Variants in USP6NL observed in about 807,000 individuals in gnomAD.
USP6NL encodes USP6 N-terminal like, also known as USP6 N-terminal-like protein.
USP6NL carries 26 observed loss-of-function variants against 61.9 expected under a neutral mutation model. That is an observed-to-expected ratio of 0.42 (90% CI 0.31 to 0.58). The LOEUF (loss-of-function observed/expected upper bound fraction) is 0.58. Ranked by LOEUF, USP6NL falls within the 20% of genes least tolerant of loss-of-function variation. USP6NL has a pLI of 0.16. For synonymous variants in USP6NL, 432 were observed against 390.1 expected, an observed-to-expected ratio of 1.11 and a Z score of -1.27; for missense variants, 1,114 against 1,034.3, an observed-to-expected ratio of 1.08 and a Z score of -1.06.
rs926828931 is a variant in USP6NL at position 11,496,210 on chromosome 10, G to A, written c.385-2982C>T. Among the ~76,000 whole-genome samples the A allele has an allele frequency of 3.3e-5, 5 of 152,192 alleles. No individual in the cohort carries two copies. Among genetic ancestry groups the A allele is most frequent in the Non-Finnish European group, 5.9e-5 (4 of 68,040 alleles). On this transcript the variant is annotated intron_variant, in intron 7 of 14. Transcript: ENST00000609104. This position sits in a 1 kb window ranked among gnomAD's most constrained non-coding sequence, Gnocchi z 5.4. ...GCCAAATAACAAACCTCCAGTCTTG[G>A]GCTAGCACTGAGGGAGCTAAGGAGC... is the stretch of plus-strand genomic sequence containing the variant.
intron 6 of USP6NL, among the ~76,000 whole-genome samples, chr10:11,508,377 A>C (rs1834548452): frequency 6.6e-6 from 1 of 152,240 alleles, no homozygotes; most frequent in African/African-American, 2.4e-5. Context: ...AGTGGTTCTC[A>C]AAATATGGCC....
At chr10:11,531,744 A>G (rs1405715772) in intron 2 of USP6NL, among the ~76,000 whole-genome samples, 1 of 152,168 alleles carries the variant, frequency 6.6e-6, no homozygotes, top group Non-Finnish European at 1.5e-5. Flanking sequence ...ATCTAATGTA[A>G]CAAAGTTTCA....
intron 5 of USP6NL, among the ~76,000 whole-genome samples, chr10:11,512,040 C>T (rs1217796067): frequency 6.6e-6 from 1 of 152,120 alleles, no homozygotes; most frequent in Non-Finnish European, 1.5e-5. Flanking sequence ...GCTAACTATT[C>T]CAGCAACTGT....
chr10:11,584,742 G>A (rs1407604135), intron 2 of USP6NL, among the ~76,000 whole-genome samples: 1 of 152,108 alleles, frequency 6.6e-6, no homozygotes, highest in African/African-American at 2.4e-5. Context: ...TTCAAAACCA[G>A]CCTGGTCAAC....
intron 1 of USP6NL, among the ~76,000 whole-genome samples, chr10:11,610,232 C>G (rs1838845163): frequency 6.6e-6 from 1 of 152,150 alleles, no homozygotes; most frequent in African/African-American, 2.4e-5. Context: ...ATGGCATCAA[C>G]ATCCATTTTA....
intron 6 of USP6NL, among the ~76,000 whole-genome samples, chr10:11,503,917 G>A (rs17150471): frequency 0.11 from 16,276 of 152,002 alleles, 1,361 homozygotes; most frequent in East Asian, 0.42. Context: ...CAATGACCAC[G>A]GCCCATGGTT....
At chr10:11,610,663 C>T (rs12255171) in intron 1 of USP6NL, among the ~76,000 whole-genome samples, 1,715 of 150,526 alleles carry the variant, frequency 0.011, 37 homozygotes, top group African/African-American at 0.039. Context: ...TTTCCAATCA[C>T]TGGGTACGGC....
Position 11,490,996 on chromosome 10 carries a change from C to A in USP6NL, c.495-116G>T. On this transcript the variant is annotated intron_variant, in intron 8 of 14. Transcript: ENST00000609104. The surrounding 1 kb of genome is among the most constrained non-coding windows in gnomAD (Gnocchi z 4.5). Reference sequence around the variant, plus strand: ...AAAACAGATAATCCAGATAAAATTACTAATGTAATAAATTATCCCAAGTTC... The same window carrying A: ...AAAACAGATAATCCAGATAAAATTAATAATGTAATAAATTATCCCAAGTTC... 1.1e-6 allele frequency: 1 copy of A among 872,864 alleles called. No individual in the cohort carries two copies. The highest frequency in any genetic ancestry group is 1.7e-6 in the Non-Finnish European group (1 of 593,908). 54.1% of individuals were successfully genotyped at this position (872,864 alleles called of 1,614,324 possible). A position where few individuals can be genotyped will look rare whatever the true frequency, so the allele number is the denominator to read the frequency against.
chr10:11,526,002 C>T (rs939153665), intron 3 of USP6NL, among the ~76,000 whole-genome samples: 2 of 151,468 alleles, frequency 1.3e-5, no homozygotes, highest in Non-Finnish European at 2.9e-5. Flanking sequence ...GCTCTTCAGG[C>T]CTCATCTAAC....
chr10:11,592,884 T>C lies in USP6NL; in HGVS notation c.4+4747A>G, dbSNP rs983583413. 1.3e-5 allele frequency among the ~76,000 whole-genome samples: 2 copies of C among 152,204 alleles called. No individual in the cohort carries two copies. The highest frequency in any genetic ancestry group is 1.3e-4 in the Admixed American group (2 of 15,292). On this transcript the variant is annotated intron_variant, in intron 2 of 14. Transcript: ENST00000609104. The surrounding 1 kb of genome is among the most constrained non-coding windows in gnomAD (Gnocchi z 4.7). ...CTGCTCTAACAAATATTAAAACAAA[T>C]TGTTCTTCACTTCAGCATGAACACT...
intron 2 of USP6NL, among the ~76,000 whole-genome samples, chr10:11,546,465 G>C (rs564007963): frequency 9.2e-5 from 14 of 152,036 alleles, no homozygotes; most frequent in Admixed American, 2.6e-4. Flanking sequence ...GAAGTGGCAC[G>C]ATCTAGGTTC....
In USP6NL at chr10:11,540,897, A is replaced by G. The variant is rs1233911264; in HGVS notation, c.5-13330T>C. 3.3e-5 allele frequency among the ~76,000 whole-genome samples: 5 copies of G among 152,154 alleles called. No individual in the cohort carries two copies. The South Asian group carries it at 8.3e-4, about 25-fold the overall frequency. ...TGAATGGCCCTTGGGTTCAAATTTG[A>G]CCATAAGGCCATCAAAAGCCAGCAA... On this transcript the variant is annotated intron_variant, in intron 2 of 14. Transcript: ENST00000609104. The surrounding 1 kb of genome is among the most constrained non-coding windows in gnomAD (Gnocchi z 5.0).
At position 11,540,138 on chromosome 10, in the gene USP6NL, T is replaced by C. The variant is rs1365420279; in HGVS notation, c.5-12571A>G. ...AAATCTATGTGATTCCTGTGAATTC[T>C]AACAGCTGTACTTTCTGGATTCTAG... On this transcript the variant is annotated intron_variant, in intron 2 of 14. Transcript: ENST00000609104. The surrounding 1 kb of genome is among the most constrained non-coding windows in gnomAD (Gnocchi z 5.0). Among the ~76,000 whole-genome samples the C allele has an allele frequency of 6.6e-6, 1 of 152,376 alleles. No individual in the cohort carries two copies. Among genetic ancestry groups the C allele is most frequent in the East Asian group, 1.9e-4 (1 of 5,190 alleles).
At chr10:11,516,188 GACTGTAT>G (rs1232395246) in intron 5 of USP6NL, among the ~76,000 whole-genome samples, 2 of 152,134 alleles carry the variant, frequency 1.3e-5, no homozygotes, top group African/African-American at 2.4e-5. Flanking sequence ...TCTTAGGAAG[GACTGTAT>G]ACCACTCTCC....
chr10:11,462,466 G>C lies in USP6NL; in HGVS notation c.2462C>G (p.Ser821Cys), dbSNP rs2096218317. ...AYHYRNRDGL[S>C]IQESVLL ...TCACAGCAACACTGACTCTTGGATGGAAAGCCCGTCCCGATTCCTGTAGTG... is the reference window on the plus strand; with the variant it reads ...TCACAGCAACACTGACTCTTGGATGCAAAGCCCGTCCCGATTCCTGTAGTG... Residue 821 changes from serine (S) to cysteine (C), a missense_variant, in exon 15 of 15, where the codon TCC becomes TGC. Transcript: ENST00000609104. 6.2e-7 allele frequency: 1 copy of C among 1,613,688 alleles called. No individual in the cohort carries two copies.
intron 14 of USP6NL, among the ~76,000 whole-genome samples, chr10:11,477,848 T>C (rs374088400): frequency 7.9e-5 from 12 of 152,286 alleles, no homozygotes; most frequent in African/African-American, 2.9e-4. Flanking sequence ...AAATGATTAT[T>C]TGTGTTCAAA....
chr10:11,529,453 C>T (rs952612127), intron 2 of USP6NL, among the ~76,000 whole-genome samples: 3 of 152,150 alleles, frequency 2.0e-5, no homozygotes, highest in African/African-American at 7.2e-5. Flanking sequence ...ATCAAACAAG[C>T]GCAAGGTTGT....
At chr10:11,529,233 C>T (rs1835547632) in intron 2 of USP6NL, among the ~76,000 whole-genome samples, 1 of 152,126 alleles carries the variant, frequency 6.6e-6, no homozygotes, top group Non-Finnish European at 1.5e-5. Context: ...CAAAATATCA[C>T]TTTGCACCTA....
rs370583304 is a variant in USP6NL, at chr10:11,472,957, G to C, written c.1078+8813C>G. 1.1e-4 allele frequency among the ~76,000 whole-genome samples: 16 copies of C among 152,168 alleles called. No homozygotes were observed. The East Asian group carries it at 2.5e-3, about 24-fold the overall frequency. On this transcript the variant is annotated intron_variant, in intron 14 of 14. Transcript: ENST00000609104. ...AAGTAACTTTAAAAACCTACACTTT[G>C]TCTCCTAGAGTTTCAATTTTTATAC...
Sources: gnomAD v4.1 joint callset for allele counts (sites outside exome capture counted in the v4.1 genomes callset) on GRCh38, gnomAD v4.1.1 for gene constraint, Gnocchi (gnomAD v3.1) non-coding constraint, MANE v1.5 for transcripts, NCBI Gene and HGNC (gene_info 2026-07-23, HGNC 2026-07-21) for gene names.